Variants in STRN3 observed in about 807,000 individuals in gnomAD.
STRN3 encodes the protein striatin 3, also known as striatin-3.
STRN3 carries 29 observed loss-of-function variants against 95.6 expected under a neutral mutation model. The ratio of observed to expected loss-of-function variants is 0.30; its 90% CI spans 0.23 to 0.41. The LOEUF is 0.41. Among genes scored for constraint, STRN3 ranks in the 10% least tolerant of loss-of-function variants. The probability of loss-of-function intolerance (pLI) is 1.00; values close to 1 mark genes in which losing one functional copy is unlikely to be tolerated. For missense variants in STRN3, 890 were observed against 972.1 expected (o/e 0.92, Z 1.12); for synonymous variants, 331 against 357.6 (o/e 0.93, Z 0.84).
At chr14:30,900,522 G>C (rs1896283916) in intron 16 of STRN3, among the ~76,000 whole-genome samples, 1 of 151,840 alleles carries the variant, frequency 6.6e-6, no homozygotes, top group South Asian at 2.1e-4. Context: ...ACTGAGGCGG[G>C]TAGATCACTT....
At chr14:30,895,611 AG>A (rs780828764) in intron 17 of STRN3, 31 bp from the exon 18 acceptor site, 66 of 1,610,244 alleles carry the variant, frequency 4.1e-5, no homozygotes, top group Non-Finnish European at 5.4e-5. Context: ...TTTGTTACTG[AG>A]TAACAATCTT....
At chr14:30,914,932 TAATTGA>T (rs1349568978) in intron 9 of STRN3, among the ~76,000 whole-genome samples, 1 of 152,242 alleles carries the variant, frequency 6.6e-6, no homozygotes, top group Non-Finnish European at 1.5e-5. Context: ...AACTCTGCCA[TAATTGA>T]ATGACTATTA....
Position 30,983,794 on chromosome 14 carries a change from T to C in STRN3, c.283-27552A>G, listed in dbSNP as rs768905124. On this transcript the variant is annotated intron_variant, in intron 1 of 17. Coordinates refer to ENST00000357479, the MANE Select transcript of STRN3 (RefSeq NM_001083893.2). ...TTACTATAGTACTAAATTCAATAAA[T>C]GTAGTTATTAAACCTAGAATGTAAA... Among the ~76,000 whole-genome samples, 11 of 152,302 alleles carry C rather than the reference T, an allele frequency of 7.2e-5. No individual in the cohort carries two copies. In the South Asian group the frequency reaches 8.3e-4, roughly 11 times the overall value.
At chr14:31,016,807 T>C (rs919144818) in intron 1 of STRN3, among the ~76,000 whole-genome samples, 3 of 152,086 alleles carry the variant, frequency 2.0e-5, no homozygotes, top group Non-Finnish European at 2.9e-5. Context: ...CCTCCCAAAG[T>C]GCTGGGATTA....
rs77864021 is a variant in STRN3 at position 30,903,649 on chromosome 14, T to A, written c.2030-1006A>T. Among the ~76,000 whole-genome samples the A allele has an allele frequency of 2.4e-3, 371 of 152,334 alleles. 4 individuals are homozygous for A. In the East Asian group the frequency reaches 0.047, roughly 19 times the overall value. On this transcript the variant is annotated intron_variant, in intron 15 of 17. Coordinates refer to ENST00000357479, the MANE Select transcript of STRN3 (RefSeq NM_001083893.2). ...CCTAGCCTCAAGCTATCTTCCCACA[T>A]TGGCCTCCCAAAGTGGTGAGATTAC... is the stretch of plus-strand genomic sequence containing the variant.
chr14:30,948,048 A>G (rs995206482), intron 4 of STRN3, among the ~76,000 whole-genome samples: 4 of 148,260 alleles, frequency 2.7e-5, no homozygotes, highest in African/African-American at 9.7e-5. Context: ...GTAAAAATGG[A>G]GGAGAATAAA....
chr14:30,945,082 G>GT (rs1476084363), intron 5 of STRN3, among the ~76,000 whole-genome samples: 1 of 151,956 alleles, frequency 6.6e-6, no homozygotes, highest in African/African-American at 2.4e-5. Context: ...GTTACTCAGG[G>GT]TAACGTCTCA....
intron 1 of STRN3, among the ~76,000 whole-genome samples, chr14:30,962,224 AATAAAG>A (rs1880243474): frequency 6.6e-6 from 1 of 152,200 alleles, no homozygotes; most frequent in Non-Finnish European, 1.5e-5. Flanking sequence ...AAGCTAATAG[AATAAAG>A]ATAAAAAGAA....
At chr14:30,969,017 T>C (rs1053697754) in intron 1 of STRN3, among the ~76,000 whole-genome samples, 1 of 152,246 alleles carries the variant, frequency 6.6e-6, no homozygotes, top group Non-Finnish European at 1.5e-5. Context: ...AAATTCTGTG[T>C]GTAAACATAT....
intron 8 of STRN3, among the ~76,000 whole-genome samples, chr14:30,925,855 G>C (rs1334536729): frequency 3.3e-5 from 5 of 151,990 alleles, no homozygotes; most frequent in Admixed American, 3.3e-4. Context: ...TACAGATAAT[G>C]AATTATTCTA....
intron 16 of STRN3, among the ~76,000 whole-genome samples, chr14:30,896,552 GAAGA>G (rs1325145207): frequency 8.0e-6 from 1 of 124,812 alleles, no homozygotes; most frequent in Non-Finnish European, 1.6e-5. Flanking sequence ...AGAGAAAAGA[GAAGA>G]AAGAAAAGAA....
At chr14:30,915,202 A>G (rs959452449) in intron 9 of STRN3, among the ~76,000 whole-genome samples, 1 of 152,218 alleles carries the variant, frequency 6.6e-6, no homozygotes, top group Non-Finnish European at 1.5e-5. Context: ...GCTACAGGAA[A>G]CACAACAGGT....
intron 2 of STRN3, 56 bp from the exon 3 acceptor site, chr14:30,955,749 G>C (rs1879870950): frequency 5.1e-6 from 7 of 1,374,002 alleles, no homozygotes; most frequent in Non-Finnish European, 7.0e-6. Flanking sequence ...TGTCACTCTT[G>C]CTTTATATTA....
At chr14:30,946,997 A>T in intron 5 of STRN3, 93 bp downstream of exon 5, 59 of 859,068 alleles carry the variant, frequency 6.9e-5, no homozygotes, top group Non-Finnish European at 8.2e-5. Context: ...AAAAAAAAAA[A>T]GTTCTTAATG....
chr14:30,920,639 A>C (rs1594437855), intron 8 of STRN3, among the ~76,000 whole-genome samples: 1 of 152,148 alleles, frequency 6.6e-6, no homozygotes, highest in Admixed American at 6.6e-5. Context: ...CTCCAAGTTT[A>C]TCTCTCTATT....
intron 1 of STRN3, among the ~76,000 whole-genome samples, chr14:30,958,311 AAAAAAT>A (rs1220148342): frequency 6.6e-6 from 1 of 152,140 alleles, no homozygotes; most frequent in Non-Finnish European, 1.5e-5. Flanking sequence ...CCCTACCTCT[AAAAAAT>A]AAAAATAAAA....
chr14:30,948,514 A>G (rs1359464888), intron 4 of STRN3, among the ~76,000 whole-genome samples: 2 of 152,244 alleles, frequency 1.3e-5, no homozygotes, highest in African/African-American at 4.8e-5. Context: ...GAGGAAAAAA[A>G]TGATAGCAGA....
intron 1 of STRN3, among the ~76,000 whole-genome samples, chr14:30,973,431 AT>A (rs1880937012): frequency 6.6e-6 from 1 of 152,078 alleles, no homozygotes; most frequent in Non-Finnish European, 1.5e-5. Context: ...AGAGACTCAA[AT>A]TACTAAAATC....
intron 15 of STRN3, among the ~76,000 whole-genome samples, chr14:30,903,697 C>G (rs1047191587): frequency 1.3e-5 from 2 of 152,082 alleles, no homozygotes; most frequent in Non-Finnish European, 1.5e-5. Flanking sequence ...ATGCGCCCAG[C>G]CAACAGTTGT....
Sources: gnomAD v4.1 joint callset for allele counts (sites outside exome capture counted in the v4.1 genomes callset) on GRCh38, gnomAD v4.1.1 for gene constraint, MANE v1.5 for transcripts, NCBI Gene and HGNC (gene_info 2026-07-23, HGNC 2026-07-21) for gene names.